ZBTB43: variants seen among roughly 807,000 people sequenced by gnomAD.
ZBTB43 encodes zinc finger and BTB domain containing 43, also known as zinc finger and BTB domain-containing protein 43.
A neutral mutation model predicts 31.1 loss-of-function variants in ZBTB43; 6 were observed. That is an observed-to-expected ratio of 0.19 (90% confidence interval 0.11 to 0.38). The LOEUF is 0.38. Ranked by LOEUF, ZBTB43 falls within the 10% of genes least tolerant of loss-of-function variation. ZBTB43 has a pLI of 1.00. For synonymous variants in ZBTB43, 212 were observed against 221.7 expected, an observed-to-expected ratio of 0.96 and a Z score of 0.39; for missense variants, 379 against 602.1, an observed-to-expected ratio of 0.63 and a Z score of 3.88.
At position 126,834,015 on chromosome 9, in the gene ZBTB43, G is replaced by T; in HGVS notation, c.*102G>T. On this transcript the variant is annotated 3_prime_UTR_variant, in exon 3 of 3. Transcript: ENST00000373464. The stretch of plus-strand genomic sequence containing the variant: ...CGTGCTACTTGCTATTATGAGAGAA[G>T]CTTAAAAAAAAAAAGGAAGATATTT... The T allele has an allele frequency of 8.4e-7, 1 of 1,188,128 alleles. No individual in the cohort carries two copies. Among genetic ancestry groups the T allele is most frequent in the Non-Finnish European group, 1.1e-6 (1 of 881,592 alleles). The allele number at this position is 1,188,128 out of a possible 1,614,324, so 73.6% of individuals were successfully genotyped here. A position where few individuals can be genotyped will look rare whatever the true frequency, so the allele number is the denominator to read the frequency against.
chr9:126,816,591 C>A (rs934181058), intron 2 of ZBTB43, among the ~76,000 whole-genome samples: 5 of 152,128 alleles, frequency 3.3e-5, no homozygotes, highest in Non-Finnish European at 5.9e-5. Flanking sequence ...ACATTCTGTT[C>A]AGGTCTGAAA....
At position 126,832,827 on chromosome 9, in the gene ZBTB43, G is replaced by C; in HGVS notation, c.318G>C (p.Ala106=). The C allele has an allele frequency of 2.5e-6, 4 of 1,614,058 alleles. No homozygotes were observed. The highest frequency in any genetic ancestry group is 3.4e-6 in the Non-Finnish European group (4 of 1,180,026). The change falls in exon 3 of 3, where the codon GCG becomes GCC. Residue 106 remains alanine (A), a synonymous_variant. Transcript: ENST00000373464. ...PAPEIVSYLT[A]ASFLQMWHVV... is the part of the protein sequence containing the mutation. ...CAGAAATTGTTAGTTACTTGACAGC[G>C]GCAAGCTTCCTCCAGATGTGGCATG...
At chr9:126,827,813 G>C (rs907022076) in intron 2 of ZBTB43, among the ~76,000 whole-genome samples, 4 of 151,944 alleles carry the variant, frequency 2.6e-5, no homozygotes, top group African/African-American at 4.8e-5. Context: ...TTGGAGATCA[G>C]CCTGACCAAC....
chr9:126,826,256 C>G (rs1376549168), intron 2 of ZBTB43, among the ~76,000 whole-genome samples: 1 of 151,718 alleles, frequency 6.6e-6, no homozygotes, highest in Non-Finnish European at 1.5e-5. Context: ...AGGTGATCCA[C>G]CCATCTCGGC....
intron 2 of ZBTB43, among the ~76,000 whole-genome samples, chr9:126,825,842 A>ATTTTTTTTTT (rs72512629): frequency 2.2e-5 from 2 of 91,202 alleles, no homozygotes; most frequent in African/African-American, 3.8e-5. Flanking sequence ...TCCTTTTTAT[A>ATTTTTTTTTT]TTTTTTTTTT....
chr9:126,804,685 A>G (rs187163348), upstream of ZBTB43, among the ~76,000 whole-genome samples: 1 of 152,184 alleles, frequency 6.6e-6, no homozygotes, highest in African/African-American at 2.4e-5. Flanking sequence ...GGGTTTCACC[A>G]TGTTGGCCAG....
intron 2 of ZBTB43, among the ~76,000 whole-genome samples, chr9:126,817,149 C>T (rs1179868343): frequency 8.6e-6 from 1 of 116,684 alleles, no homozygotes; most frequent in African/African-American, 3.4e-5. Flanking sequence ...CTTTCTCTGT[C>T]ACCCAGGCTG....
intron 2 of ZBTB43, among the ~76,000 whole-genome samples, chr9:126,822,738 T>G (rs1194407444): frequency 2.0e-5 from 3 of 152,076 alleles, no homozygotes. Context: ...AGACCCTATC[T>G]TGGGAAACAA....
intron 1 of ZBTB43, among the ~76,000 whole-genome samples, chr9:126,805,877 T>C (rs1204223988): frequency 1.3e-5 from 2 of 152,232 alleles, no homozygotes; most frequent in African/African-American, 4.8e-5. Flanking sequence ...GGGGCAGGGC[T>C]GCCCAGACCT....
chr9:126,826,804 C>T (rs548998836), intron 2 of ZBTB43, among the ~76,000 whole-genome samples: 12 of 152,210 alleles, frequency 7.9e-5, no homozygotes, highest in Non-Finnish European at 1.5e-4. Context: ...TTATTGACAT[C>T]GTTGTCCTGA....
intron 2 of ZBTB43, among the ~76,000 whole-genome samples, chr9:126,823,489 G>A (rs1564204170): frequency 6.6e-6 from 1 of 151,956 alleles, no homozygotes; most frequent in Non-Finnish European, 1.5e-5. Flanking sequence ...GCCTCTTTGT[G>A]TCGTTATATC....
chr9:126,823,397 G>A (rs938530254), intron 2 of ZBTB43, among the ~76,000 whole-genome samples: 2 of 151,946 alleles, frequency 1.3e-5, no homozygotes, highest in Non-Finnish European at 2.9e-5. Context: ...ACTTAAAATC[G>A]ATCATTTCTA....
In ZBTB43 at chr9:126,832,636, A is replaced by G; in HGVS notation, c.127A>G (p.Ile43Val). The change falls in exon 3 of 3, where the codon ATT (isoleucine) becomes GTT (valine). Residue 43 changes from isoleucine (I) to valine (V), a missense_variant. By Grantham distance (29) the Ile-to-Val change is conservative. Around this residue, in one of 5 missense-constraint regions of ZBTB43, gnomAD observed 79 missense variants for 134.4 expected, o/e 0.59. Transcript: ENST00000373464. ...CGTCTCCATTGTTGTCCAAGGCCAC[A>G]TTTTCCGGGCACACAAAGCCGTTCT... ...CDVSIVVQGH[I>V]FRAHKAVLAA... 1 of 1,614,018 alleles carries G rather than the reference A, an allele frequency of 6.2e-7. No individual in the cohort carries two copies. The highest frequency in any genetic ancestry group is 8.5e-7 in the Non-Finnish European group (1 of 1,180,012).
At chr9:126,819,601 A>G (rs1481353335) in intron 2 of ZBTB43, among the ~76,000 whole-genome samples, 1 of 150,934 alleles carries the variant, frequency 6.6e-6, no homozygotes, top group African/African-American at 2.4e-5. Context: ...CCCTCTGTTC[A>G]GGCCTCCCTA....
chr9:126,812,577 G>A (rs1007447406), intron 2 of ZBTB43, among the ~76,000 whole-genome samples: 4 of 151,050 alleles, frequency 2.6e-5, no homozygotes, highest in Admixed American at 6.6e-5. Flanking sequence ...ACCGACACCT[G>A]TTATTGTCTG....
At chr9:126,817,097 TATC>T (rs146412259) in intron 2 of ZBTB43, among the ~76,000 whole-genome samples, 1 of 136,214 alleles carries the variant, frequency 7.3e-6, no homozygotes, top group Non-Finnish European at 1.5e-5. Flanking sequence ...ATTTCCACTG[TATC>T]TTTTTTTTTT....
intron 2 of ZBTB43, among the ~76,000 whole-genome samples, chr9:126,828,629 AAATAAT>A (rs369536989): frequency 0.014 from 2,040 of 141,052 alleles, 51 homozygotes; most frequent in African/African-American, 0.051. Context: ...CCCCATCTCT[AAATAAT>A]AATAATAATA....
chr9:126,833,939 A>T lies in ZBTB43; in HGVS notation c.*26A>T. ...AAATAGGATCTGGCCCTTGAGTGGC[A>T]TGCACAAAAATAAACTATGGTAATT... On this transcript the variant is annotated 3_prime_UTR_variant, in exon 3 of 3. Transcript: ENST00000373464. The surrounding 1 kb of genome is among the most constrained non-coding windows in gnomAD (Gnocchi z 7.9). The T allele has an allele frequency of 6.5e-7, 1 of 1,539,012 alleles. No individual in the cohort carries two copies. The highest frequency in any genetic ancestry group is 8.8e-7 in the Non-Finnish European group (1 of 1,135,528).
At chr9:126,820,518 A>C (rs12338498) in intron 2 of ZBTB43, among the ~76,000 whole-genome samples, 20,103 of 152,194 alleles carry the variant, frequency 0.13, 1,495 homozygotes, top group Admixed American at 0.2. Flanking sequence ...TTTTTTACAA[A>C]GCATTACTGC....
Sources: gnomAD v4.1 joint callset for allele counts (sites outside exome capture counted in the v4.1 genomes callset) on GRCh38, gnomAD v4.1.1 for gene constraint, gnomAD v4.1.1 regional missense constraint, Gnocchi (gnomAD v3.1) non-coding constraint, MANE v1.5 for transcripts, NCBI Gene and HGNC (gene_info 2026-07-23, HGNC 2026-07-21) for gene names.